The following CCSER2 variants were observed in gnomAD, a reference collection of about 807,000 sequenced individuals.
CCSER2 encodes the protein coiled-coil serine rich protein 2, also known as serine-rich coiled-coil domain-containing protein 2.
A neutral mutation model predicts 92.3 loss-of-function variants in CCSER2; 46 were observed. That is an observed-to-expected ratio of 0.50 (90% CI 0.39 to 0.64). CCSER2 has a LOEUF of 0.64. Among genes scored for constraint, CCSER2 ranks in the 30% least tolerant of loss-of-function variants. CCSER2 has a pLI of 0.00. For synonymous variants in CCSER2, 433 were observed against 431.4 expected, an observed-to-expected ratio of 1.00 and a Z score of -0.04; for missense variants, 1,244 against 1,238.9, an observed-to-expected ratio of 1.00 and a Z score of -0.06.
chr10:84,350,372 TTTAA>T (rs1418712935), intron 1 of CCSER2, among the ~76,000 whole-genome samples: 8 of 145,636 alleles, frequency 5.5e-5, no homozygotes, highest in South Asian at 2.2e-4. Flanking sequence ...TTTGTAATTA[TTTAA>T]TTGTTTTTTT....
chr10:84,372,682 C>T (rs1228952917), intron 2 of CCSER2, among the ~76,000 whole-genome samples: 1 of 152,146 alleles, frequency 6.6e-6, no homozygotes, highest in Admixed American at 6.6e-5. Flanking sequence ...AATAAAACCA[C>T]TCTTAACCTT....
chr10:84,387,745 G>C (rs1841299842), intron 3 of CCSER2, among the ~76,000 whole-genome samples: 1 of 152,072 alleles, frequency 6.6e-6, no homozygotes, highest in South Asian at 2.1e-4. Flanking sequence ...AGCCAGGATG[G>C]TCTCGATCTC....
intron 1 of CCSER2, among the ~76,000 whole-genome samples, chr10:84,340,806 C>T (rs1844134223): frequency 6.6e-6 from 1 of 152,090 alleles, no homozygotes; most frequent in Non-Finnish European, 1.5e-5. Context: ...CTTACTTCTA[C>T]ATCTGATGAG....
At chr10:84,456,786 T>C (rs1845650922) in intron 6 of CCSER2, among the ~76,000 whole-genome samples, 1 of 152,150 alleles carries the variant, frequency 6.6e-6, no homozygotes, top group South Asian at 2.1e-4. Context: ...TGAATAGGTG[T>C]TTAGTGGTAT....
chr10:84,391,802 A>G (rs1841533937), intron 3 of CCSER2: 2 of 1,563,326 alleles, frequency 1.3e-6, no homozygotes, highest in Non-Finnish European at 1.8e-6. Flanking sequence ...AATGAGGAAA[A>G]GGATTCAGCA....
intron 5 of CCSER2, among the ~76,000 whole-genome samples, chr10:84,433,902 A>G (rs1843941417): frequency 6.6e-6 from 1 of 152,104 alleles, no homozygotes; most frequent in Non-Finnish European, 1.5e-5. Flanking sequence ...CCATATCTCT[A>G]ATGGTTCATT....
In CCSER2 at chr10:84,457,238, T is replaced by TATATATATTATATATAA. The variant is rs1564684096; in HGVS notation, c.2065-6689_2065-6688insATTATATATAAATATAT. 4.9e-5 allele frequency among the ~76,000 whole-genome samples: 3 copies of TATATATATTATATATAA among 60,892 alleles called. No homozygotes were observed. The East Asian group carries it at 1.2e-3, about 25-fold the overall frequency. 39.9% of individuals were successfully genotyped at this position (60,892 alleles called of 152,430 possible). On this transcript the variant is annotated intron_variant, in intron 6 of 9. Coordinates refer to ENST00000372088, the MANE Select transcript of CCSER2 (RefSeq NM_001284240.2). Reference sequence around the variant, plus strand: ...TATTACATATTATATATAAATATATTATATATTATATATTATATAAAATAT... The same window carrying TATATATATTATATATAA: ...TATTACATATTATATATAAATATATTATATATATTATATATAAATATATTATATATTATATAAAATAT...
chr10:84,351,400 T>C (rs907808138), intron 1 of CCSER2, among the ~76,000 whole-genome samples: 1 of 151,952 alleles, frequency 6.6e-6, no homozygotes, highest in African/African-American at 2.4e-5. Flanking sequence ...TCTGGCTGAT[T>C]TTTGTATTTT....
intron 8 of CCSER2, among the ~76,000 whole-genome samples, chr10:84,473,372 C>T (rs536081357): frequency 1.3e-5 from 2 of 151,970 alleles, no homozygotes; most frequent in African/African-American, 4.8e-5. Flanking sequence ...AGGAGAACTT[C>T]GTGATATTTT....
intron 1 of CCSER2, among the ~76,000 whole-genome samples, chr10:84,357,807 A>G (rs1308859621): frequency 6.6e-6 from 1 of 152,314 alleles, no homozygotes; most frequent in East Asian, 1.9e-4. Context: ...TAGGAGTGCA[A>G]GGTTCATATC....
chr10:84,410,668 T>G (rs1842602455), intron 3 of CCSER2, among the ~76,000 whole-genome samples: 2 of 152,342 alleles, frequency 1.3e-5, no homozygotes, highest in South Asian at 4.1e-4. Context: ...TGACTAGACC[T>G]TTGTCAGACG....
intron 5 of CCSER2, among the ~76,000 whole-genome samples, chr10:84,427,401 T>C (rs1312025817): frequency 1.3e-5 from 2 of 152,212 alleles, no homozygotes; most frequent in African/African-American, 4.8e-5. Context: ...CCAGCATACC[T>C]TAAAACTATT....
intron 3 of CCSER2, among the ~76,000 whole-genome samples, chr10:84,394,780 C>T (rs146589390): frequency 6.6e-6 from 1 of 152,060 alleles, no homozygotes; most frequent in Non-Finnish European, 1.5e-5. Context: ...GATCTTCATA[C>T]ACCCCACCTA....
chr10:84,468,793 T>A (rs747389754), intron 7 of CCSER2, among the ~76,000 whole-genome samples: 15 of 152,178 alleles, frequency 9.9e-5, no homozygotes, highest in Non-Finnish European at 1.9e-4. Flanking sequence ...TTCATATAGA[T>A]TCCTAGGAGT....
chr10:84,406,998 G>T (rs1204232801), intron 3 of CCSER2, among the ~76,000 whole-genome samples: 1 of 152,140 alleles, frequency 6.6e-6, no homozygotes, highest in African/African-American at 2.4e-5. Context: ...CTCCCCAAAA[G>T]ATGGACAAGG....
At chr10:84,455,013 T>C (rs1029772125) in intron 6 of CCSER2, among the ~76,000 whole-genome samples, 19 of 152,340 alleles carry the variant, frequency 1.2e-4, no homozygotes, top group Non-Finnish European at 2.5e-4. Flanking sequence ...TGAGATCTGA[T>C]GGTTTTATGA....
At chr10:84,434,455 A>G (rs1481094287) in intron 5 of CCSER2, among the ~76,000 whole-genome samples, 2 of 152,084 alleles carry the variant, frequency 1.3e-5, no homozygotes, top group Non-Finnish European at 1.5e-5. Flanking sequence ...TTCCCCAGAA[A>G]ACTTCATGTG....
chr10:84,513,410 C>G, intron 9 of CCSER2, 39 bp from the exon 10 acceptor site: 1 of 1,469,096 alleles, frequency 6.8e-7, no homozygotes. Context: ...GGTGGAATTT[C>G]TAAGAACTTG....
Position 84,514,664 on chromosome 10 carries a change from C to T in CCSER2, c.*397C>T, listed in dbSNP as rs1849535718. ...ACCTCACCCCTTTTCACTTGTCTCT[C>T]CTGTGAATATGGCTACTATTTTAAC... is the stretch of plus-strand genomic sequence containing the variant. On this transcript the variant is annotated 3_prime_UTR_variant, in exon 10 of 10. Coordinates refer to ENST00000372088, the MANE Select transcript of CCSER2 (RefSeq NM_001284240.2). 1 of 176,674 alleles carries T rather than the reference C, an allele frequency of 5.7e-6. No individual in the cohort carries two copies. The highest frequency in any genetic ancestry group is 5.6e-5 in the Admixed American group (1 of 18,010). 10.9% of individuals were successfully genotyped at this position (176,674 alleles called of 1,614,324 possible). A position where few individuals can be genotyped will look rare whatever the true frequency, so the allele number is the denominator to read the frequency against.
Sources: gnomAD v4.1 joint callset for allele counts (sites outside exome capture counted in the v4.1 genomes callset) on GRCh38, gnomAD v4.1.1 for gene constraint, MANE v1.5 for transcripts, NCBI Gene and HGNC (gene_info 2026-07-23, HGNC 2026-07-21) for gene names.